TRPM3: variants seen among roughly 807,000 people sequenced by gnomAD.
TRPM3 encodes transient receptor potential cation channel subfamily M member 3.
In TRPM3, 77 loss-of-function variants were observed where a neutral mutation model predicts 181.2. That is an observed-to-expected ratio of 0.42 (90% CI 0.35 to 0.51). TRPM3 has a LOEUF of 0.51. Ranked by LOEUF, TRPM3 falls within the 20% of genes least tolerant of loss-of-function variation. TRPM3 has a pLI of 0.01. For missense variants in TRPM3, 1,759 were observed against 2,196.7 expected (o/e 0.80, Z 3.98); for synonymous variants, 745 against 796.4 (o/e 0.94, Z 1.09).
At chr9:71,442,067 G>A (rs112518475) in intron 1 of TRPM3, among the ~76,000 whole-genome samples, 1 of 152,222 alleles carries the variant, frequency 6.6e-6, no homozygotes, top group African/African-American at 2.4e-5. Context: ...TGCACGCACA[G>A]CATCTCAAAC....
intron 5 of TRPM3, among the ~76,000 whole-genome samples, chr9:70,838,230 A>C (rs2094439180): frequency 6.6e-6 from 1 of 152,206 alleles, no homozygotes; most frequent in Non-Finnish European, 1.5e-5. Context: ...TTTTTAATTA[A>C]GTTGGTACAA....
intron 7 of TRPM3, among the ~76,000 whole-genome samples, chr9:70,768,374 A>G (rs114315535): frequency 0.015 from 2,293 of 152,110 alleles, 70 homozygotes; most frequent in African/African-American, 0.051. Flanking sequence ...TTTTTTTTCC[A>G]TGGATACTAT....
rs555749169 is a variant in TRPM3, at chr9:71,402,016, G to T, written c.183+44637C>A. Among the ~76,000 whole-genome samples, 22 of 152,276 alleles carry T rather than the reference G, an allele frequency of 1.4e-4. No individual in the cohort carries two copies. In the East Asian group the frequency reaches 4.2e-3, roughly 29 times the overall value. On this transcript the variant is annotated intron_variant, in intron 1 of 24. Coordinates refer to the TRPM3 transcript ENST00000357533. Reference sequence around the variant, plus strand: ...TGTGTAATCCGTAAATTGATGGCTGGTTTTTGTATCAGAAGTGTTTCTGCC... The same window carrying T: ...TGTGTAATCCGTAAATTGATGGCTGTTTTTTGTATCAGAAGTGTTTCTGCC...
chr9:71,017,691 T>C (rs1162842277), intron 1 of TRPM3, among the ~76,000 whole-genome samples: 1 of 151,784 alleles, frequency 6.6e-6, no homozygotes, highest in African/African-American at 2.4e-5. Context: ...TCTTAAAATT[T>C]ATAAAGCAAA....
At chr9:70,645,075 A>G (rs1220583030) in intron 9 of TRPM3, among the ~76,000 whole-genome samples, 1 of 152,224 alleles carries the variant, frequency 6.6e-6, no homozygotes, top group Non-Finnish European at 1.5e-5. Flanking sequence ...AGACAAATGG[A>G]AAAACATTCC....
intron 9 of TRPM3, among the ~76,000 whole-genome samples, chr9:70,664,527 C>T (rs866979831): frequency 6.6e-6 from 1 of 151,650 alleles, no homozygotes; most frequent in Admixed American, 6.6e-5. Flanking sequence ...AATGTGATTG[C>T]TTTGATGGAA....
At position 70,963,737 on chromosome 9, in the gene TRPM3, G is replaced by T. The variant is rs187890906; in HGVS notation, c.178-99226C>A. ...TTCATACTCATGTTCCTCAGACTGG[G>T]CACCAAAATCTACAGTCTTTGCCAA... On this transcript the variant is annotated intron_variant, in intron 1 of 25. Transcript: ENST00000677713. Among the ~76,000 whole-genome samples, 194 of 152,216 alleles carry T rather than the reference G, an allele frequency of 1.3e-3. 1 individual carries two copies. The highest frequency in any genetic ancestry group is 4.3e-3 in the African/African-American group (179 of 41,554).
intron 21 of TRPM3, among the ~76,000 whole-genome samples, chr9:70,596,070 C>T (rs1666094165): frequency 6.6e-6 from 1 of 152,160 alleles, no homozygotes; most frequent in South Asian, 2.1e-4. Flanking sequence ...GCAATTTGAA[C>T]ATAATGATAA....
intron 8 of TRPM3, among the ~76,000 whole-genome samples, chr9:70,751,773 G>A (rs899954399): frequency 6.6e-6 from 1 of 152,032 alleles, no homozygotes; most frequent in South Asian, 2.1e-4. Context: ...GATGGGATGT[G>A]TTGCCTGTTT....
intron 1 of TRPM3, among the ~76,000 whole-genome samples, chr9:70,923,875 T>C (rs1042345942): frequency 6.7e-6 from 1 of 150,004 alleles, no homozygotes; most frequent in Non-Finnish European, 1.5e-5. Flanking sequence ...TATATACATA[T>C]ATATACACAC....
At chr9:70,621,299 A>G in intron 14 of TRPM3, 26 bp from the exon 15 acceptor site, 1 of 1,571,842 alleles carries the variant, frequency 6.4e-7, no homozygotes, top group South Asian at 1.1e-5. Context: ...TTGTGAACAA[A>G]GTTAGATCAG....
In TRPM3 at chr9:71,420,721, A is replaced by AAGAGAGAGAGAGAGAAAGAG. The variant is rs1565556892; in HGVS notation, c.183+25912_183+25931dup. Among the ~76,000 whole-genome samples, 119 of 76,610 alleles carry AAGAGAGAGAGAGAGAAAGAG rather than the reference A, an allele frequency of 1.6e-3. 8 individuals are homozygous for AAGAGAGAGAGAGAGAAAGAG. Among genetic ancestry groups the AAGAGAGAGAGAGAGAAAGAG allele is most frequent in the South Asian group, 3.1e-3 (6 of 1,932 alleles). 50.3% of individuals were successfully genotyped at this position (76,610 alleles called of 152,430 possible). ...AGAAAGAGAGAGAAAGAAAGAGAGA[A>AAGAGAGAGAGAGAGAAAGAG]AGAGAGAGAGAGAGAAAGAGAGAGA... On this transcript the variant is annotated intron_variant, in intron 1 of 24. Transcript: ENST00000357533.
At chr9:71,248,319 T>G (rs996918190) in intron 1 of TRPM3, among the ~76,000 whole-genome samples, 1 of 152,030 alleles carries the variant, frequency 6.6e-6, no homozygotes, top group African/African-American at 2.4e-5. Context: ...CCCGAGGGAG[T>G]TGGCTGCAGG....
chr9:71,314,272 T>A (rs1195656461), intron 1 of TRPM3, among the ~76,000 whole-genome samples: 2 of 152,122 alleles, frequency 1.3e-5, no homozygotes, highest in Non-Finnish European at 2.9e-5. Flanking sequence ...TATCATATGA[T>A]TTTTTTATCA....
chr9:71,113,177 T>C (rs1399968275), intron 1 of TRPM3, among the ~76,000 whole-genome samples: 1 of 152,072 alleles, frequency 6.6e-6, no homozygotes, highest in Non-Finnish European at 1.5e-5. Context: ...GGATTTGAAG[T>C]AGACAACACT....
intron 1 of TRPM3, among the ~76,000 whole-genome samples, chr9:71,092,707 A>AT (rs1367405921): frequency 2.0e-5 from 3 of 152,212 alleles, no homozygotes; most frequent in Admixed American, 6.6e-5. Context: ...GACAAAATTA[A>AT]TATCTTCTAC....
At chr9:70,795,920 G>A (rs955167007) in intron 6 of TRPM3, among the ~76,000 whole-genome samples, 1 of 152,204 alleles carries the variant, frequency 6.6e-6, no homozygotes, top group African/African-American at 2.4e-5. Context: ...CCCTTGGGCT[G>A]TAAGACAAGT....
intron 1 of TRPM3, among the ~76,000 whole-genome samples, chr9:71,233,544 A>C (rs1199829645): frequency 6.6e-6 from 1 of 152,204 alleles, no homozygotes; most frequent in African/African-American, 2.4e-5. Flanking sequence ...CAAAAAAATC[A>C]TTATCTTATA....
At position 71,417,628 on chromosome 9, in the gene TRPM3, G is replaced by C. The variant is rs2093656241; in HGVS notation, c.183+29025C>G. ...TAGTAAATAAAAATTCATCCAGAAA[G>C]AATTAATGGAAACATATCTGAGAAA... is the stretch of plus-strand genomic sequence containing the variant. On this transcript the variant is annotated intron_variant, in intron 1 of 24. Transcript: ENST00000357533. Among the ~76,000 whole-genome samples the C allele has an allele frequency of 5.3e-5, 8 of 151,870 alleles. No individual in the cohort carries two copies. In the South Asian group the frequency reaches 1.7e-3, roughly 31 times the overall value.
Sources: allele counts gnomAD v4.1 joint callset (sites outside exome capture counted in the v4.1 genomes callset), GRCh38; gene constraint gnomAD v4.1.1; transcripts MANE v1.5; gene names NCBI Gene and HGNC (gene_info 2026-07-23, HGNC 2026-07-21).